Variants in SYT9 observed in about 807,000 individuals in gnomAD.
SYT9 encodes the protein synaptotagmin-9.
SYT9 carries 22 observed loss-of-function variants against 48.4 expected under a neutral mutation model. The observed-to-expected ratio is 0.45, with a 90% confidence interval of 0.32 to 0.65. The LOEUF is 0.65. SYT9 is among the 30% of genes least tolerant of loss of function. The probability of loss-of-function intolerance (pLI) is 0.03; values close to 1 mark genes in which losing one functional copy is unlikely to be tolerated. For synonymous variants in SYT9, 265 were observed against 245.0 expected, an observed-to-expected ratio of 1.08 and a Z score of -0.76; for missense variants, 577 against 622.0, an observed-to-expected ratio of 0.93 and a Z score of 0.77.
chr11:7,458,367 G>A (rs1417917410), intron 6 of SYT9, among the ~76,000 whole-genome samples: 1 of 152,120 alleles, frequency 6.6e-6, no homozygotes, highest in Non-Finnish European at 1.5e-5. Flanking sequence ...TGTAATCCCA[G>A]CCACTCAAAA....
intron 3 of SYT9, among the ~76,000 whole-genome samples, chr11:7,353,108 A>G (rs541446333): frequency 1.3e-5 from 2 of 152,154 alleles, no homozygotes; most frequent in South Asian, 4.1e-4. Context: ...TTCACCCTTC[A>G]TTTTCTGCTC....
intron 3 of SYT9, among the ~76,000 whole-genome samples, chr11:7,367,642 T>C (rs1369869354): frequency 6.6e-6 from 1 of 152,188 alleles, no homozygotes; most frequent in Non-Finnish European, 1.5e-5. Context: ...TTTACTCATT[T>C]TTGTATTGGG....
chr11:7,436,799 A>G (rs547339468), intron 6 of SYT9, among the ~76,000 whole-genome samples: 21 of 152,238 alleles, frequency 1.4e-4, no homozygotes, highest in Non-Finnish European at 2.9e-4. Flanking sequence ...TTCCTGGTGG[A>G]CGACCTCAGC....
At chr11:7,300,058 C>G (rs143848750) in intron 1 of SYT9, among the ~76,000 whole-genome samples, 1 of 152,042 alleles carries the variant, frequency 6.6e-6, no homozygotes, top group Admixed American at 6.5e-5. Context: ...AATATAACCC[C>G]TTTTCTCTCC....
chr11:7,412,263 G>A (rs7106948), intron 3 of SYT9, among the ~76,000 whole-genome samples: 64,701 of 151,906 alleles, frequency 0.43, 14,784 homozygotes, highest in African/African-American at 0.57. Context: ...CATGTTTCCT[G>A]TGTCCTTATG....
intron 3 of SYT9, among the ~76,000 whole-genome samples, chr11:7,332,166 A>G (rs992091121): frequency 1.3e-5 from 2 of 152,166 alleles, no homozygotes; most frequent in Non-Finnish European, 2.9e-5. Context: ...AAGGTGTATC[A>G]GCTAAAGCCT....
At chr11:7,431,415 G>C (rs779570032) in intron 6 of SYT9, among the ~76,000 whole-genome samples, 1 of 152,210 alleles carries the variant, frequency 6.6e-6, no homozygotes, top group Non-Finnish European at 1.5e-5. Context: ...GAGTGTAAAA[G>C]TTTGGAAAAT....
At chr11:7,398,677 T>C (rs1846811728) in intron 3 of SYT9, among the ~76,000 whole-genome samples, 1 of 152,322 alleles carries the variant, frequency 6.6e-6, no homozygotes, top group South Asian at 2.1e-4. Flanking sequence ...AGCATCAGTA[T>C]ATTACTATTC....
chr11:7,254,667 C>A (rs143022105), intron 1 of SYT9, among the ~76,000 whole-genome samples: 1 of 152,158 alleles, frequency 6.6e-6, no homozygotes, highest in Non-Finnish European at 1.5e-5. Context: ...TGGATGACTT[C>A]TTTTTCTGGA....
At chr11:7,464,144 G>C (rs557143157) in intron 6 of SYT9, among the ~76,000 whole-genome samples, 1 of 152,090 alleles carries the variant, frequency 6.6e-6, no homozygotes, top group Non-Finnish European at 1.5e-5. Flanking sequence ...GTCATAATAG[G>C]GAAAAATGAG....
At chr11:7,328,169 A>ATTTTAGCTTACAAAAT (rs1286210097) in intron 3 of SYT9, among the ~76,000 whole-genome samples, 56 of 151,868 alleles carry the variant, frequency 3.7e-4, no homozygotes, top group African/African-American at 1.3e-3. Context: ...AATTTCCTAC[A>ATTTTAGCTTACAAAAT]TCCTTATATT....
chr11:7,377,449 T>A (rs1208424731), intron 3 of SYT9, among the ~76,000 whole-genome samples: 2 of 152,096 alleles, frequency 1.3e-5, no homozygotes, highest in Non-Finnish European at 2.9e-5. Flanking sequence ...GAGGGAAGTG[T>A]TCTTCAATGC....
At chr11:7,403,416 G>A (rs1399233769) in intron 3 of SYT9, among the ~76,000 whole-genome samples, 2 of 152,100 alleles carry the variant, frequency 1.3e-5, no homozygotes, top group Non-Finnish European at 2.9e-5. Flanking sequence ...TCCAGGCATG[G>A]TGACATGTGC....
chr11:7,310,695 C>G (rs776210145), intron 2 of SYT9, among the ~76,000 whole-genome samples: 31 of 151,914 alleles, frequency 2.0e-4, no homozygotes, highest in Non-Finnish European at 3.7e-4. Context: ...ATCCGCCCAC[C>G]TTGGCTTCCC....
At chr11:7,302,903 C>A in intron 1 of SYT9, 136 bp from the exon 2 acceptor site, 1 of 724,752 alleles carries the variant, frequency 1.4e-6, no homozygotes, top group Non-Finnish European at 2.3e-6. Flanking sequence ...AGTAACCCAG[C>A]CATGCGCCCC....
chr11:7,358,059 T>A (rs1439450462), intron 3 of SYT9, among the ~76,000 whole-genome samples: 1 of 152,012 alleles, frequency 6.6e-6, no homozygotes, highest in African/African-American at 2.4e-5. Flanking sequence ...TAAAAAAGTA[T>A]AAAAGTGGGA....
intron 3 of SYT9, among the ~76,000 whole-genome samples, chr11:7,361,498 C>T (rs1468907484): frequency 6.6e-6 from 1 of 152,146 alleles, no homozygotes; most frequent in Non-Finnish European, 1.5e-5. Context: ...AAATTATTCT[C>T]TCCTGTTGTT....
intron 3 of SYT9, among the ~76,000 whole-genome samples, chr11:7,360,854 G>A (rs1850121490): frequency 6.6e-6 from 1 of 151,992 alleles, no homozygotes; most frequent in South Asian, 2.1e-4. Flanking sequence ...TTTGAGGTGG[G>A]TTTTAAATAA....
chr11:7,364,920 ATC>A (rs1376875489), intron 3 of SYT9, among the ~76,000 whole-genome samples: 1 of 152,190 alleles, frequency 6.6e-6, no homozygotes, highest in Non-Finnish European at 1.5e-5. Flanking sequence ...AGAAAAAAGA[ATC>A]TGTCCTAAAC....
Sources: allele counts gnomAD v4.1 joint callset (sites outside exome capture counted in the v4.1 genomes callset), GRCh38; gene constraint gnomAD v4.1.1; transcripts MANE v1.5; gene names NCBI Gene and HGNC (gene_info 2026-07-23, HGNC 2026-07-21).